The following UBR4 variants were observed in gnomAD, a reference collection of about 807,000 sequenced individuals.
UBR4 encodes E3 ubiquitin-protein ligase UBR4.
Under a neutral mutation model 575.6 loss-of-function variants are expected in UBR4, and 124 were observed. That is an observed-to-expected ratio of 0.22 (90% confidence interval 0.19 to 0.25). UBR4 has a LOEUF of 0.25. Among genes scored for constraint, UBR4 ranks in the 10% least tolerant of loss-of-function variants. The pLI, the probability that UBR4 is intolerant of heterozygous loss-of-function variation, is 1.00. For missense variants in UBR4, 4,818 were observed against 6,478.8 expected (o/e 0.74, Z 8.80); for synonymous variants, 2,455 against 2,473.7 (o/e 0.99, Z 0.22).
intron 1 of UBR4, among the ~76,000 whole-genome samples, chr1:19,202,523 C>A (rs985312901): frequency 6.6e-6 from 1 of 152,168 alleles, no homozygotes; most frequent in African/African-American, 2.4e-5. Context: ...AAGGAATCAA[C>A]AACTCAAGAT....
chr1:19,095,292 T>C (rs573390619), intron 93 of UBR4, among the ~76,000 whole-genome samples: 87 of 152,262 alleles, frequency 5.7e-4, no homozygotes, highest in Non-Finnish European at 8.2e-4. Context: ...ACTGCCTTCC[T>C]CTTATCTCTG....
rs201995981 is a variant in UBR4 at position 19,115,518 on chromosome 1, T to C, written c.10943A>G (p.Tyr3648Cys). The change falls in exon 74 of 106, where the codon TAT (tyrosine) becomes TGT (cysteine). Residue 3648 changes from tyrosine to cysteine, a missense_variant. By Grantham distance (194) the Tyr-to-Cys change is radical (BLOSUM62 -2). Transcript: ENST00000375254. ...SNLMIEFADF[Y>C]ENYQASTETL... ...CTCTGTGGAGGCCTGGTAGTTTTCATAGAAGTCTGCAAACTCAATCATCAG... is the reference window on the plus strand; with the variant it reads ...CTCTGTGGAGGCCTGGTAGTTTTCACAGAAGTCTGCAAACTCAATCATCAG... 32 of 1,614,204 alleles carry C rather than the reference T, an allele frequency of 2.0e-5. No individual in the cohort carries two copies. Among genetic ancestry groups the C allele is most frequent in the East Asian group, 2.2e-5 (1 of 44,878 alleles).
Position 19,122,032 on chromosome 1 carries a change from C to T in UBR4, c.9817-20G>A, listed in dbSNP as rs904899635. Reference sequence around the variant, plus strand: ...CTCCATCTGAAATAGGAACCAACCACGGGAAAGGAGTAACTCCACCACATT... The same window carrying T: ...CTCCATCTGAAATAGGAACCAACCATGGGAAAGGAGTAACTCCACCACATT... On this transcript the variant is annotated intron_variant, in intron 66 of 105. Transcript: ENST00000375254. 9 of 1,613,522 alleles carry T rather than the reference C, an allele frequency of 5.6e-6. No homozygotes were observed. Among genetic ancestry groups the T allele is most frequent in the Admixed American group, 1.7e-5 (1 of 60,010 alleles).
chr1:19,096,254 A>C (rs570794221), intron 92 of UBR4, among the ~76,000 whole-genome samples: 1 of 152,332 alleles, frequency 6.6e-6, no homozygotes, highest in South Asian at 2.1e-4. Flanking sequence ...AACAATGATA[A>C]TAGTTAACAC....
At chr1:19,125,995 A>G (rs1022626281) in intron 64 of UBR4, among the ~76,000 whole-genome samples, 4 of 152,208 alleles carry the variant, frequency 2.6e-5, no homozygotes, top group Non-Finnish European at 5.9e-5. Flanking sequence ...TTAGACAGAC[A>G]GAACTTCTCC....
At chr1:19,125,873 T>C (rs2081693093) in intron 64 of UBR4, among the ~76,000 whole-genome samples, 1 of 152,226 alleles carries the variant, frequency 6.6e-6, no homozygotes, top group Non-Finnish European at 1.5e-5. Flanking sequence ...ATGCTAGGCA[T>C]TGTGCTAAGT....
At position 19,131,741 on chromosome 1, in the gene UBR4, C is replaced by T. The variant is rs530807150; in HGVS notation, c.8907-2667G>A. Among the ~76,000 whole-genome samples, 57 of 152,270 alleles carry T rather than the reference C, an allele frequency of 3.7e-4. No individual in the cohort carries two copies. The South Asian group carries it at 8.5e-3, about 23-fold the overall frequency. On this transcript the variant is annotated intron_variant, in intron 60 of 105. Transcript: ENST00000375254. The stretch of plus-strand genomic sequence containing the variant: ...ATACAAAATTAGCCGGGCGTGGTCA[C>T]GCATGCCTGTAATCCTAGCTATTTG...
intron 25 of UBR4, among the ~76,000 whole-genome samples, chr1:19,172,377 C>T (rs988630994): frequency 6.6e-5 from 10 of 152,066 alleles, no homozygotes; most frequent in African/African-American, 2.4e-4. Flanking sequence ...ATTAGCCAGG[C>T]ACGGTGGTGC....
chr1:19,096,994 T>C (rs1417173677), intron 91 of UBR4, among the ~76,000 whole-genome samples, 199 bp downstream of exon 91: 1 of 25,936 alleles, frequency 3.9e-5, no homozygotes, highest in East Asian at 2.4e-3. Flanking sequence ...CTGGTATTCT[T>C]TTTTTTTTTT....
rs2080661691 is a variant in UBR4, at chr1:19,117,361, C to G, written c.10683G>C (p.Gln3561His). ...TGTGACTGCCAATGAGCTTCACAAC[C>G]TGCTGGGTGGTGGTGTACCGCGTGT... ...KVDTRYTTTQ[Q>H]VVKLIGSHTI... Residue 3561 changes from glutamine (Q) to histidine (H), a missense_variant, in exon 73 of 106, where the codon CAG (glutamine) becomes CAC (histidine). Gln to His is a conservative substitution (Grantham distance 24). Around this residue, in one of 29 missense-constraint regions of UBR4, gnomAD observed 550 missense variants for 791.5 expected, o/e 0.69. Transcript: ENST00000375254. This position sits in a 1 kb window ranked among gnomAD's most constrained non-coding sequence, Gnocchi z 4.0. The G allele has an allele frequency of 6.2e-7, 1 of 1,614,044 alleles. No homozygotes were observed. The highest frequency in any genetic ancestry group is 8.5e-7 in the Non-Finnish European group (1 of 1,180,038).
In UBR4 at chr1:19,184,138, G is replaced by T; in HGVS notation, c.1976C>A (p.Thr659Asn). The T allele has an allele frequency of 6.2e-7, 1 of 1,614,180 alleles. No homozygotes were observed. Among genetic ancestry groups the T allele is most frequent in the Non-Finnish European group, 8.5e-7 (1 of 1,180,018 alleles). ...GLASNILNFI[T>N]SSMLNSRNNF... ...GTTCCGAGAGTTCAGCATGGAAGAG[G>T]TGATGAAGTTCAAAATGTTGGAAGC... Residue 659 changes from threonine to asparagine, a missense_variant, in exon 16 of 106, where the codon ACC becomes AAC. Coordinates refer to ENST00000375254, the MANE Select transcript of UBR4 (RefSeq NM_020765.3).
chr1:19,095,989 C>T (rs2078000251), intron 92 of UBR4: 1 of 258,272 alleles, frequency 3.9e-6, no homozygotes, highest in Admixed American at 5.1e-5. Flanking sequence ...AGAAAATGAT[C>T]CCAAAGCTCG....
Position 19,105,199 on chromosome 1 carries a change from A to T in UBR4, c.12504-10T>A. ...CAGCTCATCCAGGTAACTGCCACCA[A>T]GAGGGACAGGGCACTCTAGTCAAGA... On this transcript the variant is annotated splice_polypyrimidine_tract_variant and intron_variant, in intron 84 of 105. Transcript: ENST00000375254. 6.2e-7 allele frequency: 1 copy of T among 1,610,510 alleles called. No homozygotes were observed. Among genetic ancestry groups the T allele is most frequent in the Non-Finnish European group, 8.5e-7 (1 of 1,178,716 alleles).
Position 19,174,466 on chromosome 1 carries a change from G to A in UBR4, c.2854-19C>T, listed in dbSNP as rs1553209454. 1 of 1,603,986 alleles carries A rather than the reference G, an allele frequency of 6.2e-7. No individual in the cohort carries two copies. Among genetic ancestry groups the A allele is most frequent in the Non-Finnish European group, 8.5e-7 (1 of 1,179,464 alleles). On this transcript the variant is annotated intron_variant, in intron 21 of 105. Coordinates refer to ENST00000375254, the MANE Select transcript of UBR4 (RefSeq NM_020765.3). ...CACATGCCTGACATCAAGAAAGAAA[G>A]AGAGTCATTTCCTTACTTTTAAAGT...
At chr1:19,104,528 G>A in intron 86 of UBR4, 57 bp downstream of exon 86, 1 of 1,580,090 alleles carries the variant, frequency 6.3e-7, no homozygotes. Context: ...AAGGAACTAA[G>A]GGTTGTCCCT....
intron 67 of UBR4, 135 bp downstream of exon 67, chr1:19,121,799 C>T (rs1447944925): frequency 9.1e-7 from 1 of 1,102,276 alleles, no homozygotes. Context: ...GTCTTCTTTG[C>T]TAGACAGAGT....
In UBR4 at chr1:19,087,850, G is replaced by A. The variant is rs1006857691; in HGVS notation, c.14510C>T (p.Thr4837Met). The A allele has an allele frequency of 1.1e-5, 18 of 1,611,390 alleles. No individual in the cohort carries two copies. Among genetic ancestry groups the A allele is most frequent in the Admixed American group, 1.7e-5 (1 of 59,822 alleles). Residue 4837 changes from threonine to methionine, a missense_variant, in exon 99 of 106, where the codon ACG (threonine) becomes ATG (methionine). By Grantham distance (81) the Thr-to-Met change is moderately conservative (BLOSUM62 -1). Around this residue, in one of 29 missense-constraint regions of UBR4, gnomAD observed 196 missense variants for 386.8 expected, o/e 0.51. Coordinates refer to ENST00000375254, the MANE Select transcript of UBR4 (RefSeq NM_020765.3). ...GTATCCCTCCCTGCAGATGCAGCAC[G>A]TGAGGCCAGGCTCCTCGATCAGCTC... ...MEELIEEPGLTCCICREGYKF... is the reference protein window; with the variant it reads ...MEELIEEPGLMCCICREGYKF...
intron 91 of UBR4, 103 bp from the exon 92 acceptor site, chr1:19,096,753 C>G: frequency 3.4e-6 from 5 of 1,489,880 alleles, no homozygotes; most frequent in Non-Finnish European, 3.6e-6. Context: ...GGCTGACAGC[C>G]CTTTTCCGTA....
intron 81 of UBR4, among the ~76,000 whole-genome samples, chr1:19,108,212 T>C (rs1237300802): frequency 6.6e-6 from 1 of 152,240 alleles, no homozygotes; most frequent in African/African-American, 2.4e-5. Flanking sequence ...CTTTTCATAC[T>C]TCATTACACT....
Sources: gnomAD v4.1 joint callset for allele counts (sites outside exome capture counted in the v4.1 genomes callset) on GRCh38, gnomAD v4.1.1 for gene constraint, gnomAD v4.1.1 regional missense constraint, Gnocchi (gnomAD v3.1) non-coding constraint, MANE v1.5 for transcripts, NCBI Gene and HGNC (gene_info 2026-07-23, HGNC 2026-07-21) for gene names.